The following LIN52 variants were observed in gnomAD, a reference collection of about 807,000 sequenced individuals.
The protein encoded by LIN52 is lin-52 DREAM MuvB core complex component.
In LIN52, 4 loss-of-function variants were observed where a neutral mutation model predicts 18.5. The observed-to-expected ratio is 0.22, with a 90% CI of 0.11 to 0.49. The LOEUF (loss-of-function observed/expected upper bound fraction) is 0.49, where lower values mean the gene tolerates loss of function less well. LIN52 is among the 20% of genes least tolerant of loss of function. LIN52 has a pLI of 0.97. For missense variants in LIN52, 102 were observed against 139.5 expected, an observed-to-expected ratio of 0.73 and a Z score of 1.35; for synonymous variants, 34 against 45.5, an observed-to-expected ratio of 0.75 and a Z score of 1.02.
chr14:74,171,456 C>T (rs750339211), intron 5 of LIN52, among the ~76,000 whole-genome samples: 5 of 150,848 alleles, frequency 3.3e-5, no homozygotes, highest in Non-Finnish European at 5.9e-5. Context: ...TTTTCCCAGT[C>T]GTAGTAAGAA....
At chr14:74,138,727 T>C (rs904456015) in intron 5 of LIN52, among the ~76,000 whole-genome samples, 6 of 136,906 alleles carry the variant, frequency 4.4e-5, no homozygotes, top group Non-Finnish European at 9.2e-5. Flanking sequence ...CCACCCCCTA[T>C]CCTCTGCACT....
Position 74,200,422 on chromosome 14 carries a change from A to G in LIN52, c.*1445A>G, listed in dbSNP as rs1167332198. ...AGTGAGACTCTGTCTCAGAAAAAAA[A>G]AAAAAAAAAAAAAAAAAAAAAGAAT... On this transcript the variant is annotated 3_prime_UTR_variant, in exon 6 of 6. Coordinates refer to ENST00000555028, the MANE Select transcript of LIN52 (RefSeq NM_001024674.3). The G allele has an allele frequency of 9.5e-5, 3 of 31,600 alleles. No individual in the cohort carries two copies. Among genetic ancestry groups the G allele is most frequent in the Non-Finnish European group, 3.9e-4 (3 of 7,742 alleles). 2.0% of individuals were successfully genotyped at this position (31,600 alleles called of 1,614,324 possible). A position where few individuals can be genotyped will look rare whatever the true frequency, so the allele number is the denominator to read the frequency against.
At chr14:74,100,394 ACCT>A (rs1266676547) in intron 4 of LIN52, among the ~76,000 whole-genome samples, 1 of 151,936 alleles carries the variant, frequency 6.6e-6, no homozygotes, top group African/African-American at 2.4e-5. Context: ...TACAGCCTTG[ACCT>A]CCTGGTGATC....
At chr14:74,169,801 A>G (rs1595183710) in intron 5 of LIN52, among the ~76,000 whole-genome samples, 1 of 152,348 alleles carries the variant, frequency 6.6e-6, no homozygotes, top group Non-Finnish European at 1.5e-5. Context: ...GATCTCAAAG[A>G]TAAAACATCT....
At chr14:74,175,020 A>AAAATAATAATAATAATAATAAT (rs2061286325) in intron 5 of LIN52, among the ~76,000 whole-genome samples, 1 of 140,946 alleles carries the variant, frequency 7.1e-6, no homozygotes, top group African/African-American at 2.6e-5. Context: ...GACTCAAAGA[A>AAAATAATAATAATAATAATAAT]AATAATAATA....
intron 2 of LIN52, among the ~76,000 whole-genome samples, chr14:74,093,564 G>T (rs2060787586): frequency 6.6e-6 from 1 of 151,992 alleles, no homozygotes; most frequent in Non-Finnish European, 1.5e-5. Context: ...GACCTCAGAT[G>T]ATCTGCCTGC....
chr14:74,092,278 AATTATT>A (rs1280468064), intron 2 of LIN52, among the ~76,000 whole-genome samples: 5 of 136,628 alleles, frequency 3.7e-5, no homozygotes, highest in East Asian at 4.5e-4. Context: ...AGCCAACAAT[AATTATT>A]ATTATTATAT....
At chr14:74,183,518 A>G (rs770307877) in intron 5 of LIN52, among the ~76,000 whole-genome samples, 8 of 152,200 alleles carry the variant, frequency 5.3e-5, no homozygotes, top group African/African-American at 1.9e-4. Context: ...CTTCTAACTT[A>G]TGAATGATAT....
chr14:74,089,071 G>A (rs2060754254), intron 1 of LIN52, among the ~76,000 whole-genome samples: 1 of 152,110 alleles, frequency 6.6e-6, no homozygotes, highest in African/African-American at 2.4e-5. Flanking sequence ...GATTCCGGGG[G>A]TGTGAAGGGG....
At chr14:74,091,917 G>C (rs2060774727) in intron 2 of LIN52, among the ~76,000 whole-genome samples, 1 of 151,950 alleles carries the variant, frequency 6.6e-6, no homozygotes, top group Non-Finnish European at 1.5e-5. Context: ...ATAGCTGTTT[G>C]GTGGTTTAAT....
intron 2 of LIN52, among the ~76,000 whole-genome samples, chr14:74,092,106 G>T (rs1173784531): frequency 6.6e-6 from 1 of 151,786 alleles, no homozygotes; most frequent in Non-Finnish European, 1.5e-5. Context: ...AAGTAGCTGG[G>T]ACTACAGGTG....
intron 5 of LIN52, among the ~76,000 whole-genome samples, chr14:74,182,315 T>C (rs2061321378): frequency 6.6e-6 from 1 of 152,196 alleles, no homozygotes; most frequent in Non-Finnish European, 1.5e-5. Context: ...CCTGACCTTT[T>C]GTGCATTTTT....
At chr14:74,109,146 A>C (rs2060913197) in intron 5 of LIN52, among the ~76,000 whole-genome samples, 1 of 152,158 alleles carries the variant, frequency 6.6e-6, no homozygotes, top group African/African-American at 2.4e-5. Flanking sequence ...GTTTGTTGAA[A>C]AGACTATCCT....
intron 5 of LIN52, among the ~76,000 whole-genome samples, chr14:74,133,329 T>G (rs997636456): frequency 1.3e-5 from 2 of 152,236 alleles, no homozygotes; most frequent in Admixed American, 6.5e-5. Context: ...CTATACTATT[T>G]TGTTAAAAGC....
intron 5 of LIN52, among the ~76,000 whole-genome samples, chr14:74,155,502 G>A (rs528355447): frequency 9.8e-5 from 15 of 152,306 alleles, no homozygotes; most frequent in South Asian, 4.1e-4. Context: ...AAACATGAGC[G>A]CCGGATGGAT....
intron 5 of LIN52, chr14:74,174,789 G>GGA (rs2061285340): frequency 6.8e-6 from 1 of 147,922 alleles, no homozygotes; most frequent in Non-Finnish European, 1.5e-5. Flanking sequence ...TAATACATTT[G>GGA]AAAAAAAAAA....
chr14:74,188,557 C>T (rs910644598), intron 5 of LIN52, among the ~76,000 whole-genome samples: 14 of 151,980 alleles, frequency 9.2e-5, no homozygotes, highest in Non-Finnish European at 1.8e-4. Context: ...CCTCCACCCC[C>T]GTTTCCCCCC....
At chr14:74,095,275 C>T (rs995738402) in intron 2 of LIN52, among the ~76,000 whole-genome samples, 4 of 149,194 alleles carry the variant, frequency 2.7e-5, no homozygotes, top group Non-Finnish European at 4.4e-5. Flanking sequence ...GCTAGGACTA[C>T]AGGGGCACAT....
At chr14:74,128,567 A>T (rs1384122936) in intron 5 of LIN52, among the ~76,000 whole-genome samples, 1 of 152,234 alleles carries the variant, frequency 6.6e-6, no homozygotes, top group Non-Finnish European at 1.5e-5. Context: ...TGTGGAATAC[A>T]TCTGTCAAAA....
Sources: gnomAD v4.1 joint callset for allele counts (sites outside exome capture counted in the v4.1 genomes callset) on GRCh38, gnomAD v4.1.1 for gene constraint, MANE v1.5 for transcripts, NCBI Gene and HGNC (gene_info 2026-07-23, HGNC 2026-07-21) for gene names.